ZNF567: variants seen among roughly 807,000 people sequenced by gnomAD.
ZNF567 encodes the protein zinc finger protein 567.
ZNF567 carries 36 observed loss-of-function variants against 53.9 expected under a neutral mutation model. That is an observed-to-expected ratio of 0.67 (90% CI 0.51 to 0.88). The LOEUF is 0.88. Among genes scored for constraint, ZNF567 ranks in the 40% least tolerant of loss-of-function variants. ZNF567 has a pLI of 0.00. For synonymous variants in ZNF567, 224 were observed against 260.4 expected, an observed-to-expected ratio of 0.86 and a Z score of 1.35; for missense variants, 619 against 764.7, an observed-to-expected ratio of 0.81 and a Z score of 2.25.
chr19:36,694,300 G>A (rs1404458405), intron 2 of ZNF567, among the ~76,000 whole-genome samples: 1 of 152,148 alleles, frequency 6.6e-6, no homozygotes, highest in Non-Finnish European at 1.5e-5. Flanking sequence ...AATAAATGAT[G>A]AGACCACAGA....
intron 3 of ZNF567, 184 bp from the exon 4 acceptor site, chr19:36,712,202 A>T (rs969878041): frequency 2.0e-6 from 1 of 500,508 alleles, no homozygotes; most frequent in African/African-American, 2.0e-5. Flanking sequence ...GCACACCACT[A>T]TGCCCAGCTA....
chr19:36,676,363 A>G, the ZNF567 span, among the ~76,000 whole-genome samples: 4 of 134,658 alleles, frequency 3.0e-5, no homozygotes, highest in African/African-American at 1.1e-4. Context: ...ACTGCACCCA[A>G]CCAACTTTTT....
chr19:36,712,387 G>C lies in ZNF567; in HGVS notation c.11G>C (p.Gly4Ala), dbSNP rs779149539. Reference sequence around the variant, plus strand: ...TGATTACAGTTCCATCCATTCTAGGGATCAGTGTCTTTCAATGATGTGACT... The same window carrying C: ...TGATTACAGTTCCATCCATTCTAGGCATCAGTGTCTTTCAATGATGTGACT... MAQ[G>A]SVSFNDVTVD... The change falls in exon 4 of 6, where the codon GGA becomes GCA. Residue 4 changes from glycine to alanine, a missense_variant and splice_region_variant. Physicochemically the swap from Gly to Ala is moderately conservative, Grantham distance 60. Transcript: ENST00000682579. 3.7e-6 allele frequency: 6 copies of C among 1,613,464 alleles called. No homozygotes were observed. In the Admixed American group the frequency reaches 1.0e-4, roughly 27 times the overall value.
the ZNF567 span, among the ~76,000 whole-genome samples, chr19:36,673,697 GAC>G: frequency 5.4e-5 from 8 of 148,978 alleles, no homozygotes; most frequent in African/African-American, 4.9e-5. Context: ...CACAGACACA[GAC>G]ACACACACAC....
At chr19:36,712,556 C>G in intron 4 of ZNF567, 44 bp downstream of exon 4, 1 of 1,610,446 alleles carries the variant, frequency 6.2e-7, no homozygotes, top group Admixed American at 1.7e-5. Flanking sequence ...TGCACTTCCT[C>G]TCAAAGTGCC....
At chr19:36,688,451 T>A (rs1267278886) in intron 1 of ZNF567, among the ~76,000 whole-genome samples, 1 of 152,008 alleles carries the variant, frequency 6.6e-6, no homozygotes, top group Non-Finnish European at 1.5e-5. Context: ...ACAAGTAAAA[T>A]AAGTAGTGAT....
At chr19:36,669,010 C>G in the ZNF567 span, 2 of 151,914 alleles carry the variant, frequency 1.3e-5, no homozygotes, top group African/African-American at 4.8e-5. Context: ...TTTTTCTTGT[C>G]ATTATGCCCT....
chr19:36,717,577 A>G (rs1439910145), intron 5 of ZNF567, among the ~76,000 whole-genome samples: 2 of 152,200 alleles, frequency 1.3e-5, no homozygotes, highest in Non-Finnish European at 2.9e-5. Flanking sequence ...AATCTAGACA[A>G]TATAGTTTTG....
chr19:36,702,657 T>C (rs920510408), intron 3 of ZNF567, among the ~76,000 whole-genome samples: 4 of 152,176 alleles, frequency 2.6e-5, no homozygotes, highest in South Asian at 2.1e-4. Flanking sequence ...CTTCCCTTCT[T>C]GCTTCATTTC....
intron 3 of ZNF567, chr19:36,703,767 T>C (rs991412007): frequency 2.6e-5 from 4 of 153,052 alleles, no homozygotes; most frequent in African/African-American, 9.6e-5. Flanking sequence ...GTGCCCCGTT[T>C]CCTAAGCCCG....
At chr19:36,667,493 CCTT>C in the ZNF567 span, among the ~76,000 whole-genome samples, 1 of 151,886 alleles carries the variant, frequency 6.6e-6, no homozygotes, top group Non-Finnish European at 1.5e-5. Context: ...CAGAGCAACT[CCTT>C]CTCAAACAAA....
intron 3 of ZNF567, among the ~76,000 whole-genome samples, chr19:36,698,247 C>CATGA: frequency 6.6e-6 from 1 of 152,126 alleles, no homozygotes; most frequent in South Asian, 2.1e-4. Flanking sequence ...CTACAAAGGA[C>CATGA]ATGAACTCAT....
At chr19:36,683,150 C>G (rs898354030), upstream of ZNF567, among the ~76,000 whole-genome samples, 1 of 151,894 alleles carries the variant, frequency 6.6e-6, no homozygotes, top group Non-Finnish European at 1.5e-5. Context: ...CGGCTCACTA[C>G]AGCCTCAATA....
upstream of ZNF567, among the ~76,000 whole-genome samples, chr19:36,683,153 C>T (rs1342345419): frequency 6.6e-6 from 1 of 151,682 alleles, no homozygotes; most frequent in Non-Finnish European, 1.5e-5. Flanking sequence ...CTCACTACAG[C>T]CTCAATATCC....
At chr19:36,706,986 A>G (rs907216382) in intron 3 of ZNF567, among the ~76,000 whole-genome samples, 2 of 151,934 alleles carry the variant, frequency 1.3e-5, no homozygotes, top group Admixed American at 1.3e-4. Context: ...CCTATGTTTT[A>G]ACGTTTATAG....
chr19:36,695,038 T>C (rs1464425071), intron 3 of ZNF567, among the ~76,000 whole-genome samples, 162 bp downstream of exon 3: 1 of 151,824 alleles, frequency 6.6e-6, no homozygotes, highest in Non-Finnish European at 1.5e-5. Context: ...GACTCTACCT[T>C]CCACAAATGC....
At chr19:36,715,001 G>A (rs1397243522) in intron 5 of ZNF567, among the ~76,000 whole-genome samples, 2 of 151,848 alleles carry the variant, frequency 1.3e-5, no homozygotes, top group South Asian at 4.2e-4. Context: ...TTTATTTTAT[G>A]TAGATGGCAC....
the ZNF567 span, among the ~76,000 whole-genome samples, chr19:36,670,353 C>T: frequency 5.3e-5 from 8 of 151,948 alleles, no homozygotes; most frequent in Non-Finnish European, 1.2e-4. Context: ...CAGGTGGAAG[C>T]GACTAAAACT....
chr19:36,690,276 T>C (rs2038530933), intron 2 of ZNF567, among the ~76,000 whole-genome samples: 1 of 152,164 alleles, frequency 6.6e-6, no homozygotes. Flanking sequence ...TTACATGATA[T>C]GTTATTAAAG....
Sources: gnomAD v4.1 joint callset for allele counts (sites outside exome capture counted in the v4.1 genomes callset) on GRCh38, gnomAD v4.1.1 for gene constraint, MANE v1.5 for transcripts, NCBI Gene and HGNC (gene_info 2026-07-23, HGNC 2026-07-21) for gene names.